GTPBP1: variants seen among roughly 807,000 people sequenced by gnomAD.
GTPBP1 encodes the protein GTP-binding protein 1.
A neutral mutation model predicts 62.0 loss-of-function variants in GTPBP1; 23 were observed. The observed-to-expected ratio is 0.37, with a 90% CI of 0.27 to 0.53. The LOEUF is 0.53. Ranked by LOEUF, GTPBP1 falls within the 20% of genes least tolerant of loss-of-function variation. The pLI, the probability that GTPBP1 is intolerant of heterozygous loss-of-function variation, is 0.89. For synonymous variants in GTPBP1, 344 were observed against 364.4 expected, an observed-to-expected ratio of 0.94 and a Z score of 0.64; for missense variants, 640 against 917.3, an observed-to-expected ratio of 0.70 and a Z score of 3.90.
At chr22:38,739,891 C>G (rs200570507), downstream of GTPBP1, 61 of 1,613,058 alleles carry the variant, frequency 3.8e-5, no homozygotes, top group Non-Finnish European at 5.1e-5. This position sits in a 1 kb window ranked among gnomAD's most constrained non-coding sequence, Gnocchi z 6.7. Context: ...CACGCGGCCC[C>G]CTCCACCTCG....
rs373482700 is a variant in GTPBP1, at chr22:38,726,166, C to G, written c.1218+16C>G. Reference sequence around the variant, plus strand: ...CTCCGTCCCGGTAAGTGGCTCTGGGCGGGTAGCTGGGTGGGCACTTCCTAC... The same window carrying G: ...CTCCGTCCCGGTAAGTGGCTCTGGGGGGGTAGCTGGGTGGGCACTTCCTAC... On this transcript the variant is annotated intron_variant, in intron 7 of 11. Coordinates refer to ENST00000216044, the MANE Select transcript of GTPBP1 (RefSeq NM_004286.5). The surrounding 1 kb of genome is among the most constrained non-coding windows in gnomAD (Gnocchi z 4.1). 2 of 1,608,892 alleles carry G rather than the reference C, an allele frequency of 1.2e-6. No homozygotes were observed. Among genetic ancestry groups the G allele is most frequent in the Admixed American group, 3.3e-5 (2 of 59,894 alleles).
chr22:38,724,185 C>G (rs956189507), intron 5 of GTPBP1, 112 bp from the exon 6 acceptor site: 2 of 687,064 alleles, frequency 2.9e-6, no homozygotes, highest in African/African-American at 3.5e-5. Context: ...ACTGGTCCAT[C>G]TATCTGTCTG....
chr22:38,738,604 T>TG, downstream of GTPBP1: 2 of 1,613,414 alleles, frequency 1.2e-6, no homozygotes, highest in Non-Finnish European at 1.7e-6. The surrounding 1 kb of genome is among the most constrained non-coding windows in gnomAD (Gnocchi z 6.6). Context: ...GCGAAGTCCT[T>TG]GGGGGCACTG....
downstream of GTPBP1, chr22:38,742,747 C>T: frequency 1.5e-6 from 1 of 662,534 alleles, no homozygotes; most frequent in South Asian, 2.1e-5. Flanking sequence ...TGCTGGGAGC[C>T]AGGGATCACT....
chr22:38,729,789 T>C, intron 11 of GTPBP1, 127 bp downstream of exon 11: 1 of 586,020 alleles, frequency 1.7e-6, no homozygotes, highest in Non-Finnish European at 2.7e-6. Context: ...GCTCTGGCAC[T>C]GAAGTGCTCC....
At chr22:38,741,478 C>T (rs1465864479), downstream of GTPBP1, 2 of 1,613,160 alleles carry the variant, frequency 1.2e-6, no homozygotes, top group South Asian at 1.1e-5. Flanking sequence ...GCCCTGAGTG[C>T]CGCAAGCCCG....
Position 38,728,133 on chromosome 22 carries a change from G to A in GTPBP1, c.1688G>A (p.Arg563His). ...IDQRLVFREG[R>H]TKAVGTITKL... ...CAGCGGCTGGTGTTCCGGGAAGGCC[G>A]CACCAAGGCTGTCGGCACCATCACC... The change falls in exon 10 of 12, where the codon CGC becomes CAC. Residue 563 changes from arginine (R) to histidine (H), a missense_variant. This residue lies in a region of GTPBP1 where 220 missense variants were observed against 358.1 expected (regional missense o/e 0.61). Coordinates refer to ENST00000216044, the MANE Select transcript of GTPBP1 (RefSeq NM_004286.5). The A allele has an allele frequency of 6.2e-7, 1 of 1,613,472 alleles. No homozygotes were observed. Among genetic ancestry groups the A allele is most frequent in the Non-Finnish European group, 8.5e-7 (1 of 1,179,564 alleles).
At chr22:38,723,232 C>G (rs1849848519) in intron 5 of GTPBP1, 2 of 1,044,474 alleles carry the variant, frequency 1.9e-6, no homozygotes, top group Non-Finnish European at 3.0e-6. Flanking sequence ...ATTATTTCCC[C>G]TTAAAGTCAT....
chr22:38,716,959 TTCGGCATGACAGGCCA>T lies in GTPBP1; in HGVS notation c.796_811del (p.Gly266CysfsTer18). 6.2e-7 allele frequency: 1 copy of T among 1,613,444 alleles called. No individual in the cohort carries two copies. ...TGAGAAGTACCTGAAAACCACTGTC[TTCGGCATGACAGGCCA>T]TCTGCCTGACTTCTGCATGCTCATG... On this transcript the variant is annotated frameshift_variant, in exon 4 of 12. Transcript: ENST00000216044. LOFTEE classifies it high-confidence loss of function. This position sits in a 1 kb window ranked among gnomAD's most constrained non-coding sequence, Gnocchi z 5.2.
At chr22:38,740,063 AAG>A, downstream of GTPBP1, 1 of 1,280,314 alleles carries the variant, frequency 7.8e-7, no homozygotes, top group Non-Finnish European at 1.1e-6. This position sits in a 1 kb window ranked among gnomAD's most constrained non-coding sequence, Gnocchi z 4.8. Flanking sequence ...CACTGGAGGA[AAG>A]AGTTATGAAC....
intron 2 of GTPBP1, among the ~76,000 whole-genome samples, chr22:38,709,567 A>G (rs1489951934): frequency 6.6e-6 from 1 of 152,240 alleles, no homozygotes; most frequent in Non-Finnish European, 1.5e-5. Context: ...TAATAGGGCA[A>G]GCCATAGTTA....
downstream of GTPBP1, chr22:38,734,992 T>C: frequency 3.5e-6 from 1 of 288,180 alleles, no homozygotes; most frequent in Non-Finnish European, 6.9e-6. Flanking sequence ...CCGGAACCAG[T>C]GCCCCAGGCC....
chr22:38,741,460 A>G, downstream of GTPBP1: 2 of 1,600,274 alleles, frequency 1.2e-6, no homozygotes, highest in Non-Finnish European at 1.7e-6. Context: ...GTCAGGACCC[A>G]GTCACAGGCC....
At chr22:38,711,402 T>C (rs1168453296) in intron 2 of GTPBP1, among the ~76,000 whole-genome samples, 1 of 152,216 alleles carries the variant, frequency 6.6e-6, no homozygotes, top group Non-Finnish European at 1.5e-5. Flanking sequence ...ATGGGGATAA[T>C]AATGGAATCT....
rs966215608 is a variant in GTPBP1 at position 38,733,365 on chromosome 22, C to G, written c.*2661C>G. 2.6e-5 allele frequency: 4 copies of G among 152,302 alleles called. No individual in the cohort carries two copies. Among genetic ancestry groups the G allele is most frequent in the African/African-American group, 4.8e-5 (2 of 41,480 alleles). The allele number at this position is 152,302 out of a possible 1,614,324, so 9.4% of individuals were successfully genotyped here. On this transcript the variant is annotated 3_prime_UTR_variant, in exon 12 of 12. Coordinates refer to ENST00000216044, the MANE Select transcript of GTPBP1 (RefSeq NM_004286.5). ...GAACCATTCTTGGGATTCAGGAGCT[C>G]GGGCGACTGCCTTGGCCTCTGGCCG...
At chr22:38,737,238 G>A (rs183080174), downstream of GTPBP1, among the ~76,000 whole-genome samples, 33 of 151,978 alleles carry the variant, frequency 2.2e-4, no homozygotes, top group Admixed American at 5.9e-4. This position sits in a 1 kb window ranked among gnomAD's most constrained non-coding sequence, Gnocchi z 4.1. Flanking sequence ...TGGCTCCCCC[G>A]ACAGCTCCAC....
chr22:38,708,728 T>G lies in GTPBP1; in HGVS notation c.193-117T>G, dbSNP rs959457918. 1.5e-5 allele frequency: 10 copies of G among 666,478 alleles called. No individual in the cohort carries two copies. In the African/African-American group the frequency reaches 1.6e-4, roughly 11 times the overall value. 41.3% of individuals were successfully genotyped at this position (666,478 alleles called of 1,614,324 possible). A position where few individuals can be genotyped will look rare whatever the true frequency, so the allele number is the denominator to read the frequency against. ...GGGCATGAAGGGGCTGTGCAGCCTTTTTAGATGAGGGTGCTATGGGGTTCA... is the reference window on the plus strand; with the variant it reads ...GGGCATGAAGGGGCTGTGCAGCCTTGTTAGATGAGGGTGCTATGGGGTTCA... On this transcript the variant is annotated intron_variant, in intron 1 of 11. Transcript: ENST00000216044.
downstream of GTPBP1, chr22:38,740,911 G>T: frequency 7.5e-7 from 1 of 1,331,952 alleles, no homozygotes; most frequent in Non-Finnish European, 1.0e-6. The surrounding 1 kb of genome is among the most constrained non-coding windows in gnomAD (Gnocchi z 4.8). Context: ...AAGATGATCA[G>T]AACTCTCTGC....
chr22:38,718,718 GCTTTT>G (rs2092684022), intron 4 of GTPBP1, among the ~76,000 whole-genome samples: 1 of 152,194 alleles, frequency 6.6e-6, no homozygotes, highest in South Asian at 2.1e-4. Context: ...CATCATGGCA[GCTTTT>G]CTTTCAAATT....
Sources: allele counts gnomAD v4.1 joint callset (sites outside exome capture counted in the v4.1 genomes callset), GRCh38; gene constraint gnomAD v4.1.1; regional missense constraint gnomAD v4.1.1; non-coding constraint Gnocchi (gnomAD v3.1); transcripts MANE v1.5; gene names NCBI Gene and HGNC (gene_info 2026-07-23, HGNC 2026-07-21).